Variants in YLPM1 observed in about 807,000 individuals in gnomAD.
The protein encoded by YLPM1 is YLP motif containing 1.
In YLPM1, 99 loss-of-function variants were observed where a neutral mutation model predicts 230.0. The ratio of observed to expected loss-of-function variants is 0.43; its 90% CI spans 0.37 to 0.51. The LOEUF is 0.51. Among genes scored for constraint, YLPM1 ranks in the 20% least tolerant of loss-of-function variants. YLPM1 has a pLI of 0.00. For synonymous variants in YLPM1, 984 were observed against 942.5 expected, an observed-to-expected ratio of 1.04 and a Z score of -0.81; for missense variants, 2,592 against 2,707.7, an observed-to-expected ratio of 0.96 and a Z score of 0.95.
chr14:74,797,148 A>G (rs1012266873), intron 4 of YLPM1, among the ~76,000 whole-genome samples: 2 of 100,800 alleles, frequency 2.0e-5, no homozygotes, highest in African/African-American at 8.4e-5. Context: ...AAATTTTTGT[A>G]TTTTTTTTTT....
At chr14:74,769,654 A>G (rs2090954515) in intron 1 of YLPM1, among the ~76,000 whole-genome samples, 1 of 149,428 alleles carries the variant, frequency 6.7e-6, no homozygotes, top group Non-Finnish European at 1.5e-5. Flanking sequence ...TGAACTCCTG[A>G]CCTCGTGATC....
intron 1 of YLPM1, among the ~76,000 whole-genome samples, chr14:74,769,259 C>CT (rs34023289): frequency 0.21 from 8,027 of 38,332 alleles, 2,753 homozygotes; most frequent in Non-Finnish European, 0.33. Context: ...GTATTTTTAT[C>CT]TTTTTTTTTT....
chr14:74,819,136 T>C (rs1030786148), intron 16 of YLPM1, among the ~76,000 whole-genome samples: 1 of 152,192 alleles, frequency 6.6e-6, no homozygotes, highest in Non-Finnish European at 1.5e-5. Context: ...TAATATCTTT[T>C]CCCCAACAAA....
chr14:74,799,761 G>C (rs1213060472), intron 5 of YLPM1, 64 bp downstream of exon 5: 2 of 1,478,698 alleles, frequency 1.4e-6, no homozygotes, highest in South Asian at 2.8e-5. Flanking sequence ...TCTTTTTAAA[G>C]TGATATGATA....
intron 1 of YLPM1, among the ~76,000 whole-genome samples, chr14:74,767,398 T>A (rs2193596): frequency 2.0e-5 from 3 of 152,008 alleles, no homozygotes; most frequent in Non-Finnish European, 4.4e-5. Context: ...ACAATGTTTT[T>A]TTGGTGTGTT....
chr14:74,764,415 G>T, intron 1 of YLPM1, 53 bp downstream of exon 1: 1 of 1,512,950 alleles, frequency 6.6e-7, no homozygotes, highest in South Asian at 1.3e-5. Flanking sequence ...CCCTGAATGA[G>T]CAGGCCTCAG....
At chr14:74,818,821 A>C (rs79762036) in intron 16 of YLPM1, among the ~76,000 whole-genome samples, 1,545 of 152,324 alleles carry the variant, frequency 0.01, 28 homozygotes, top group African/African-American at 0.035. Context: ...TATAAAATAT[A>C]GTTTCTCAGC....
intron 3 of YLPM1, 112 bp from the exon 4 acceptor site, chr14:74,781,222 T>C (rs1334421004): frequency 3.2e-5 from 38 of 1,191,174 alleles, no homozygotes; most frequent in Admixed American, 6.0e-5. Flanking sequence ...CCAAAGTCTT[T>C]AGTGTTCTAA....
rs1199617054 is a variant in YLPM1 at position 74,829,220 on chromosome 14, G to A, written c.6171G>A (p.Leu2057=). ...MDTSEAKLDK[L]DGLRTGTKRK... Reference sequence around the variant, plus strand: ...TCTGTGTTTGTCCCTCAGACAAGTTGGATGGCTTGAGGACTGGTACTAAAA... The same window carrying A: ...TCTGTGTTTGTCCCTCAGACAAGTTAGATGGCTTGAGGACTGGTACTAAAA... The change falls in exon 19 of 21, where the codon TTG becomes TTA. Residue 2057 remains leucine (L), a synonymous_variant. Coordinates refer to ENST00000325680, the MANE Select transcript of YLPM1 (RefSeq NM_019589.3). 1.2e-6 allele frequency: 2 copies of A among 1,613,034 alleles called. No individual in the cohort carries two copies. Among genetic ancestry groups the A allele is most frequent in the Admixed American group, 3.3e-5 (2 of 59,978 alleles).
At chr14:74,813,526 C>T (rs1053967712) in intron 11 of YLPM1, among the ~76,000 whole-genome samples, 7 of 152,050 alleles carry the variant, frequency 4.6e-5, no homozygotes, top group African/African-American at 1.4e-4. Flanking sequence ...TTTCTGACTC[C>T]GTAGGACACA....
At chr14:74,795,026 G>A (rs1214531917) in intron 4 of YLPM1, among the ~76,000 whole-genome samples, 1 of 152,180 alleles carries the variant, frequency 6.6e-6, no homozygotes, top group African/African-American at 2.4e-5. Context: ...TACTTCTGCT[G>A]TTTGCAGTTC....
chr14:74,789,275 G>T (rs1193321827), intron 4 of YLPM1, among the ~76,000 whole-genome samples: 1 of 152,150 alleles, frequency 6.6e-6, no homozygotes, highest in Non-Finnish European at 1.5e-5. Flanking sequence ...ACCCAGGCTG[G>T]AGTGCAGTGG....
At chr14:74,786,792 T>A (rs2091154853) in intron 4 of YLPM1, among the ~76,000 whole-genome samples, 1 of 152,218 alleles carries the variant, frequency 6.6e-6, no homozygotes, top group Admixed American at 6.5e-5. Flanking sequence ...TTTGTGTGTG[T>A]TTAATTTTGT....
rs1338371772 is a variant in YLPM1 at position 74,763,895 on chromosome 14, C to T, written c.406C>T (p.Pro136Ser). The change falls in exon 1 of 21, where the codon CCT (proline) becomes TCT (serine). Residue 136 changes from proline (P) to serine (S), a missense_variant. Pro to Ser is a moderately conservative substitution (Grantham distance 74). Coordinates refer to ENST00000325680, the MANE Select transcript of YLPM1 (RefSeq NM_019589.3). ...GCTCCACCACCAACGAGACGGGCCT[C>T]CTGGTTTGGTTCCAATGGAGCTGGA... is the stretch of plus-strand genomic sequence containing the variant. The part of the protein sequence containing the change: ...QMLHHQRDGP[P>S]GLVPMELESP... 1.7e-5 allele frequency: 26 copies of T among 1,558,586 alleles called. No homozygotes were observed. In the South Asian group the frequency reaches 2.7e-4, roughly 16 times the overall value.
rs1566771534 is a variant in YLPM1 at position 74,836,063 on chromosome 14, T to C, written c.*325T>C. On this transcript the variant is annotated 3_prime_UTR_variant, in exon 21 of 21. Coordinates refer to ENST00000325680, the MANE Select transcript of YLPM1 (RefSeq NM_019589.3). ...TCCTCCACTGTACAATGTCACAGAC[T>C]ATCTCTATCATCATTGCTTTGTGGC... 3.1e-6 allele frequency: 1 copy of C among 319,840 alleles called. No homozygotes were observed. Among genetic ancestry groups the C allele is most frequent in the East Asian group, 8.8e-5 (1 of 11,372 alleles). The allele number at this position is 319,840 out of a possible 1,614,324, so 19.8% of individuals were successfully genotyped here.
In YLPM1 at chr14:74,764,759, G is replaced by C. The variant is rs944187530; in HGVS notation, c.873+397G>C. On this transcript the variant is annotated intron_variant, in intron 1 of 20. Transcript: ENST00000325680. ...AGCATGAAAAAGAGGCCTCGCCAAG[G>C]GCTGACACTTGAATGTTTGTAAACT... 2.6e-5 allele frequency among the ~76,000 whole-genome samples: 4 copies of C among 152,000 alleles called. No individual in the cohort carries two copies. In the South Asian group the frequency reaches 8.3e-4, roughly 32 times the overall value.
At chr14:74,824,226 C>T (rs2091545399) in intron 17 of YLPM1, 30 bp from the exon 18 acceptor site, 2 of 1,607,742 alleles carry the variant, frequency 1.2e-6, no homozygotes, top group Non-Finnish European at 8.5e-7. Context: ...TCTTTCTAAC[C>T]CTTCGAGCTT....
intron 1 of YLPM1, among the ~76,000 whole-genome samples, chr14:74,773,743 C>CA (rs1209431573): frequency 3.8e-5 from 3 of 78,964 alleles, no homozygotes; most frequent in Non-Finnish European, 6.6e-5. Flanking sequence ...TTTTTTGAGA[C>CA]AGAGTCTTTC....
chr14:74,782,441 CT>C, intron 4 of YLPM1, 116 bp downstream of exon 4: 1 of 1,201,100 alleles, frequency 8.3e-7, no homozygotes, highest in Non-Finnish European at 1.1e-6. Context: ...TCTCTTTGTA[CT>C]TATATTGTCT....
Sources: gnomAD v4.1 joint callset for allele counts (sites outside exome capture counted in the v4.1 genomes callset) on GRCh38, gnomAD v4.1.1 for gene constraint, MANE v1.5 for transcripts, NCBI Gene and HGNC (gene_info 2026-07-23, HGNC 2026-07-21) for gene names.